SPAG16: variants seen among roughly 807,000 people sequenced by gnomAD.
SPAG16 encodes sperm associated antigen 16.
SPAG16 carries 86 observed loss-of-function variants against 80.4 expected under a neutral mutation model. That is an observed-to-expected ratio of 1.07 (90% CI 0.90 to 1.28). The LOEUF is 1.28. Ranked by LOEUF, SPAG16 falls within the 50% of genes most tolerant of loss-of-function variation. The pLI, the probability that SPAG16 is intolerant of heterozygous loss-of-function variation, is 0.00. For synonymous variants in SPAG16, 294 were observed against 265.9 expected, an observed-to-expected ratio of 1.11 and a Z score of -1.03; for missense variants, 870 against 765.3, an observed-to-expected ratio of 1.14 and a Z score of -1.61.
Position 213,561,080 on chromosome 2 carries a change from T to C in SPAG16, c.1070+70990T>C, listed in dbSNP as rs1021124289. On this transcript the variant is annotated intron_variant, in intron 10 of 15. Transcript: ENST00000331683. ...GGTTTCAATATGTTGGCAAGGCTGG[T>C]CTCGAACTCCTGACCTCAAGTGATC... Among the ~76,000 whole-genome samples, 24 of 152,314 alleles carry C rather than the reference T, an allele frequency of 1.6e-4. 1 individual carries two copies. Among genetic ancestry groups the C allele is most frequent in the Admixed American group, 1.2e-3 (19 of 15,300 alleles).
In SPAG16 at chr2:213,774,903, G is replaced by A. The variant is rs371920762; in HGVS notation, c.1071-87582G>A. Among the ~76,000 whole-genome samples, 3 of 152,178 alleles carry A rather than the reference G, an allele frequency of 2.0e-5. No homozygotes were observed. In the South Asian group the frequency reaches 6.2e-4, roughly 32 times the overall value. On this transcript the variant is annotated intron_variant, in intron 10 of 15. Transcript: ENST00000331683. ...AATTTTTCCTTAGTACGTGCATGAA[G>A]TATGCATGCTGGAGGGTTTTCTCAT...
chr2:213,468,537 A>T (rs1052982361), intron 9 of SPAG16, among the ~76,000 whole-genome samples: 1 of 121,730 alleles, frequency 8.2e-6, no homozygotes, highest in African/African-American at 4.1e-5. Flanking sequence ...ATATATAGAT[A>T]TATATATATG....
intron 15 of SPAG16, among the ~76,000 whole-genome samples, chr2:214,318,190 C>G (rs1695824495): frequency 6.6e-6 from 1 of 152,058 alleles, no homozygotes; most frequent in Non-Finnish European, 1.5e-5. Context: ...TGGGAATATG[C>G]ACTTCTGTGC....
At chr2:214,033,364 G>A (rs1326883682) in intron 13 of SPAG16, among the ~76,000 whole-genome samples, 1 of 152,152 alleles carries the variant, frequency 6.6e-6, no homozygotes, top group African/African-American at 2.4e-5. Context: ...AGGGCACTGG[G>A]TTTTTGGCAG....
chr2:214,380,344 C>T (rs773293980), intron 15 of SPAG16, among the ~76,000 whole-genome samples: 2 of 152,124 alleles, frequency 1.3e-5, no homozygotes, highest in Admixed American at 6.6e-5. Context: ...TGGCAATCTT[C>T]AAGAAAATGC....
At chr2:214,093,987 G>A (rs1237742849) in intron 13 of SPAG16, among the ~76,000 whole-genome samples, 1 of 151,992 alleles carries the variant, frequency 6.6e-6, no homozygotes, top group African/African-American at 2.4e-5. Context: ...TTAAGGTGTG[G>A]TCTGTGCACA....
chr2:213,430,378 G>A (rs558034518), intron 9 of SPAG16, among the ~76,000 whole-genome samples: 28 of 152,308 alleles, frequency 1.8e-4, no homozygotes, highest in African/African-American at 6.5e-4. Flanking sequence ...TCTAACCTGT[G>A]GCCCATGGGC....
intron 10 of SPAG16, among the ~76,000 whole-genome samples, chr2:213,507,001 C>A (rs1401994364): frequency 2.0e-5 from 3 of 152,168 alleles, no homozygotes; most frequent in African/African-American, 7.2e-5. Flanking sequence ...AATGTAAGTT[C>A]TCTTTCCTGC....
At chr2:213,678,192 C>A (rs942248915) in intron 10 of SPAG16, among the ~76,000 whole-genome samples, 3 of 152,074 alleles carry the variant, frequency 2.0e-5, no homozygotes, top group African/African-American at 4.8e-5. Flanking sequence ...GACACCCTAA[C>A]ATCACAATTA....
At chr2:213,402,501 G>A (rs537110960) in intron 9 of SPAG16, among the ~76,000 whole-genome samples, 1 of 152,030 alleles carries the variant, frequency 6.6e-6, no homozygotes, top group East Asian at 1.9e-4. Context: ...ATGTATACAT[G>A]TGCCATGTTG....
At chr2:213,561,393 T>A (rs2059594308) in intron 10 of SPAG16, among the ~76,000 whole-genome samples, 1 of 152,200 alleles carries the variant, frequency 6.6e-6, no homozygotes, top group Non-Finnish European at 1.5e-5. Context: ...AAAATATAAT[T>A]TCTTACATTT....
At chr2:213,885,455 C>T (rs931326689) in intron 11 of SPAG16, among the ~76,000 whole-genome samples, 6 of 152,126 alleles carry the variant, frequency 3.9e-5, no homozygotes, top group African/African-American at 1.4e-4. Context: ...ATTTTGTTTC[C>T]TTAAACTTTA....
At chr2:213,974,070 G>A (rs1277017784) in intron 12 of SPAG16, among the ~76,000 whole-genome samples, 1 of 152,080 alleles carries the variant, frequency 6.6e-6, no homozygotes, top group South Asian at 2.1e-4. Flanking sequence ...TTTATAGTTA[G>A]TGATAATAGG....
At chr2:213,513,089 T>C (rs1018873656) in intron 10 of SPAG16, among the ~76,000 whole-genome samples, 22 of 152,230 alleles carry the variant, frequency 1.4e-4, no homozygotes, top group African/African-American at 5.1e-4. Flanking sequence ...GTCTGTTCTA[T>C]GATCCTCTTT....
intron 14 of SPAG16, 118 bp downstream of exon 14, chr2:214,108,379 G>A: frequency 1.5e-6 from 1 of 667,686 alleles, no homozygotes; most frequent in Non-Finnish European, 2.4e-6. Flanking sequence ...ACAACTTTAG[G>A]AATTAGTTGT....
At chr2:214,339,439 C>A (rs1236189329) in intron 15 of SPAG16, among the ~76,000 whole-genome samples, 1 of 152,128 alleles carries the variant, frequency 6.6e-6, no homozygotes, top group East Asian at 1.9e-4. Flanking sequence ...GGGCCACCTG[C>A]TGTTTAAGTC....
At chr2:214,014,168 A>G in intron 13 of SPAG16, 91 bp downstream of exon 13, 1 of 1,507,924 alleles carries the variant, frequency 6.6e-7, no homozygotes, top group East Asian at 2.3e-5. Context: ...TTAAAAAGTG[A>G]TTGTGCAAGG....
At chr2:213,449,881 A>C (rs2071583416) in intron 9 of SPAG16, among the ~76,000 whole-genome samples, 1 of 152,256 alleles carries the variant, frequency 6.6e-6, no homozygotes, top group Non-Finnish European at 1.5e-5. Flanking sequence ...GAATTTCTAC[A>C]TGTAGTTTCC....
intron 10 of SPAG16, among the ~76,000 whole-genome samples, chr2:213,692,625 A>T (rs2064988356): frequency 1.3e-5 from 2 of 152,068 alleles, no homozygotes; most frequent in Non-Finnish European, 2.9e-5. Flanking sequence ...CCTGTCTAAC[A>T]CGGTGAAACC....
Sources: allele counts gnomAD v4.1 joint callset (sites outside exome capture counted in the v4.1 genomes callset), GRCh38; gene constraint gnomAD v4.1.1; transcripts MANE v1.5; gene names NCBI Gene and HGNC (gene_info 2026-07-23, HGNC 2026-07-21).